CFHR1: variants seen among roughly 807,000 people sequenced by gnomAD.
The protein encoded by CFHR1 is complement factor H-related protein 1.
CFHR1 carries 22 observed loss-of-function variants against 30.4 expected under a neutral mutation model. That is an observed-to-expected ratio of 0.72 (90% CI 0.52 to 1.03). CFHR1 has a LOEUF of 1.03. Among genes scored for constraint, CFHR1 ranks in the 50% least tolerant of loss-of-function variants. The pLI, the probability that CFHR1 is intolerant of heterozygous loss-of-function variation, is 0.00. For missense variants in CFHR1, 248 were observed against 380.6 expected, an observed-to-expected ratio of 0.65 and a Z score of 2.90; for synonymous variants, 95 against 129.1, an observed-to-expected ratio of 0.74 and a Z score of 1.79.
chr1:196,829,564 A>G (rs1349336149), intron 4 of CFHR1, among the ~76,000 whole-genome samples: 1 of 133,904 alleles, frequency 7.5e-6, no homozygotes. Context: ...TTACCCCTTT[A>G]CTTGTAAAAG....
chr1:196,830,832 A>C (rs1481922760), intron 5 of CFHR1, 150 bp downstream of exon 5: 1 of 1,150,540 alleles, frequency 8.7e-7, no homozygotes. Context: ...AAAGTTTAGA[A>C]ATTTTCTCTT....
chr1:196,825,710 G>A lies in CFHR1; in HGVS notation c.253+39G>A, dbSNP rs750957640. ...CTGTTCATTAAATGGATGTCATTCA[G>A]TGAATAGAGAAGGATATGCCAGACA... On this transcript the variant is annotated intron_variant, in intron 2 of 5. Transcript: ENST00000320493. 6.8e-6 allele frequency: 10 copies of A among 1,465,420 alleles called. 3 individuals carry two copies. In the South Asian group the frequency reaches 7.7e-5, roughly 11 times the overall value. 90.8% of individuals were successfully genotyped at this position (1,465,420 alleles called of 1,614,324 possible).
At position 196,830,615 on chromosome 1, in the gene CFHR1, T is replaced by C. The variant is rs1341138957; in HGVS notation, c.723T>C (p.Tyr241=). 6.6e-7 allele frequency: 1 copy of C among 1,524,360 alleles called. No individual in the cohort carries two copies. Among genetic ancestry groups the C allele is most frequent in the Non-Finnish European group, 8.9e-7 (1 of 1,128,902 alleles). The allele number at this position is 1,524,360 out of a possible 1,614,324, so 94.4% of individuals were successfully genotyped here. Residue 241 remains tyrosine, a synonymous_variant, in exon 5 of 6, where the codon TAT becomes TAC. Transcript: ENST00000320493. ...TTGAGTACCAATGCCAGAACTTGTA[T>C]CAACTTGAGGGTAACAAGCGAATAA... ...SSVEYQCQNL[Y]QLEGNKRITC... is the part of the protein sequence containing the mutation.
chr1:196,832,151 C>G lies in CFHR1; in HGVS notation c.*152C>G. ...TAATTATAAGCTGAGACCGGTGGCT[C>G]TCTTCTTAAAAGCACCATATTAAAA... On this transcript the variant is annotated 3_prime_UTR_variant, in exon 6 of 6. Transcript: ENST00000320493. The G allele has an allele frequency of 1.1e-5, 8 of 743,158 alleles. 2 individuals are homozygous for G. Among genetic ancestry groups the G allele is most frequent in the East Asian group, 8.2e-5 (3 of 36,438 alleles). 46.0% of individuals were successfully genotyped at this position (743,158 alleles called of 1,614,324 possible). A position where few individuals can be genotyped will look rare whatever the true frequency, so the allele number is the denominator to read the frequency against.
In CFHR1 at chr1:196,830,896, G is replaced by A. The variant is rs1655529393; in HGVS notation, c.790+214G>A. Reference sequence around the variant, plus strand: ...TAATCCCAGCACTTTGGGAGGCCGAGGCGGGCAGATCACGAGGTCAGGAGA... The same window carrying A: ...TAATCCCAGCACTTTGGGAGGCCGAAGCGGGCAGATCACGAGGTCAGGAGA... On this transcript the variant is annotated intron_variant, in intron 5 of 5. Coordinates refer to ENST00000320493, the MANE Select transcript of CFHR1 (RefSeq NM_002113.3). Among the ~76,000 whole-genome samples the A allele has an allele frequency of 2.2e-5, 3 of 134,814 alleles. 1 individual carries two copies. Among genetic ancestry groups the A allele is most frequent in the African/African-American group, 9.5e-5 (3 of 31,454 alleles). 88.4% of individuals were successfully genotyped at this position (134,814 alleles called of 152,430 possible). A position where few individuals can be genotyped will look rare whatever the true frequency, so the allele number is the denominator to read the frequency against.
chr1:196,823,801 C>T lies in CFHR1; in HGVS notation c.59-1676C>T, dbSNP rs750369727. On this transcript the variant is annotated intron_variant, in intron 1 of 5. Transcript: ENST00000320493. ...GATAAAGCATATCAAACCCATAGAA[C>T]GTACAACATCAAGAGTGAACCCCAA... 2.2e-5 allele frequency among the ~76,000 whole-genome samples: 3 copies of T among 134,590 alleles called. 1 individual carries two copies. The highest frequency in any genetic ancestry group is 6.4e-5 in the African/African-American group (2 of 31,388). The allele number at this position is 134,590 out of a possible 152,430, so 88.3% of individuals were successfully genotyped here.
Position 196,825,484 on chromosome 1 carries a change from T to G in CFHR1, c.66T>G (p.Phe22Leu), listed in dbSNP as rs200609129. The G allele has an allele frequency of 6.7e-7, 1 of 1,488,414 alleles. No individual in the cohort carries two copies. The highest frequency in any genetic ancestry group is 2.3e-5 in the East Asian group (1 of 44,430). The allele number at this position is 1,488,414 out of a possible 1,614,324, so 92.2% of individuals were successfully genotyped here. Residue 22 changes from phenylalanine (F) to leucine (L), a missense_variant, in exon 2 of 6, where the codon TTT becomes TTG. Phe to Leu is a conservative substitution (Grantham distance 22). Coordinates refer to ENST00000320493, the MANE Select transcript of CFHR1 (RefSeq NM_002113.3). ...RISSVGGEAT[F>L]CDFPKINHGI... is the part of the protein sequence containing the mutation. ...TTTATGTTATTTTCCCAGCAACATT[T>G]TGTGATTTTCCAAAAATAAACCATG...
At position 196,825,698 on chromosome 1, in the gene CFHR1, G is replaced by A. The variant is rs1655297039; in HGVS notation, c.253+27G>A. The A allele has an allele frequency of 6.7e-6, 10 of 1,490,480 alleles. 4 individuals carry two copies. The highest frequency in any genetic ancestry group is 1.8e-6 in the Non-Finnish European group (2 of 1,099,588). The allele number at this position is 1,490,480 out of a possible 1,614,324, so 92.3% of individuals were successfully genotyped here. ...TGAGTAAATGCTCTGTTCATTAAAT[G>A]GATGTCATTCAGTGAATAGAGAAGG... is the stretch of plus-strand genomic sequence containing the variant. On this transcript the variant is annotated intron_variant, in intron 2 of 5. Transcript: ENST00000320493.
chr1:196,824,002 G>C (rs554831004), intron 1 of CFHR1, among the ~76,000 whole-genome samples: 1 of 103,342 alleles, frequency 9.7e-6, no homozygotes, highest in South Asian at 3.5e-4. Context: ...ATATGTATGT[G>C]TACACAAAAA....
chr1:196,831,646 A>T, intron 5 of CFHR1, 151 bp from the exon 6 acceptor site: 2 of 1,090,962 alleles, frequency 1.8e-6, no homozygotes, highest in Non-Finnish European at 2.6e-6. Context: ...AAGTTTATTT[A>T]AATCAATATG....
rs1655536473 is a variant in CFHR1, at chr1:196,831,030, T to G, written c.790+348T>G. 4.5e-5 allele frequency among the ~76,000 whole-genome samples: 6 copies of G among 133,368 alleles called. 2 individuals are homozygous for G. The South Asian group carries it at 1.6e-3, about 35-fold the overall frequency. 87.5% of individuals were successfully genotyped at this position (133,368 alleles called of 152,430 possible). A position where few individuals can be genotyped will look rare whatever the true frequency, so the allele number is the denominator to read the frequency against. On this transcript the variant is annotated intron_variant, in intron 5 of 5. Coordinates refer to ENST00000320493, the MANE Select transcript of CFHR1 (RefSeq NM_002113.3). ...ACCTGTAGTCCCAGCTAGTCGGGAG[T>G]CTGAGGCAGGAAAATGGCGGGAACC...
At chr1:196,820,109 CA>C (rs1347090702) in intron 1 of CFHR1, among the ~76,000 whole-genome samples, 1 of 145,560 alleles carries the variant, frequency 6.9e-6, no homozygotes. Flanking sequence ...CTCTAAGTTG[CA>C]AAGGTAAATG....
intron 4 of CFHR1, among the ~76,000 whole-genome samples, chr1:196,828,660 A>C (rs1655430783): frequency 1.5e-5 from 2 of 133,234 alleles, no homozygotes; most frequent in Non-Finnish European, 3.1e-5. Flanking sequence ...AAGGTGTGTG[A>C]CTGACTGTAT....
intron 4 of CFHR1, among the ~76,000 whole-genome samples, chr1:196,830,100 T>C (rs531373823): frequency 7.4e-6 from 1 of 135,678 alleles, no homozygotes; most frequent in Non-Finnish European, 1.6e-5. Flanking sequence ...ACTTTTCCAT[T>C]TTATAATTCC....
At position 196,821,740 on chromosome 1, in the gene CFHR1, A is replaced by AGT. The variant is rs58358440; in HGVS notation, c.58+1865_58+1866dup. 5.6e-3 allele frequency among the ~76,000 whole-genome samples: 392 copies of AGT among 69,592 alleles called. 35 individuals are homozygous for AGT. The highest frequency in any genetic ancestry group is 0.028 in the African/African-American group (311 of 11,170). The allele number at this position is 69,592 out of a possible 152,430, so 45.7% of individuals were successfully genotyped here. A position where few individuals can be genotyped will look rare whatever the true frequency, so the allele number is the denominator to read the frequency against. ...GGCTATATATAGGTGACTGTGAGTG[A>AGT]GTGTGTGTGTGTGTGTGTGTGTGTG... On this transcript the variant is annotated intron_variant, in intron 1 of 5. Transcript: ENST00000320493.
rs1426414608 is a variant in CFHR1, at chr1:196,823,714, G to A, written c.59-1763G>A. Among the ~76,000 whole-genome samples, 5 of 135,192 alleles carry A rather than the reference G, an allele frequency of 3.7e-5. 2 individuals are homozygous for A. Among genetic ancestry groups the A allele is most frequent in the Non-Finnish European group, 7.8e-5 (5 of 64,314 alleles). The allele number at this position is 135,192 out of a possible 152,430, so 88.7% of individuals were successfully genotyped here. ...CAGTACTATATTGCAAAAATATCTT[G>A]ACATAAAAACAAAGAGCAGTATTAT... On this transcript the variant is annotated intron_variant, in intron 1 of 5. Coordinates refer to ENST00000320493, the MANE Select transcript of CFHR1 (RefSeq NM_002113.3).
At position 196,829,455 on chromosome 1, in the gene CFHR1, T is replaced by C. The variant is rs1482613603; in HGVS notation, c.608-1045T>C. On this transcript the variant is annotated intron_variant, in intron 4 of 5. Transcript: ENST00000320493. The stretch of plus-strand genomic sequence containing the variant: ...GAAGTCTCAAGCTCTTTCTTTTATC[T>C]GTTTTATTTTAATTTGAAGAATTCC... Among the ~76,000 whole-genome samples the C allele has an allele frequency of 2.2e-5, 3 of 135,660 alleles. 1 individual carries two copies. Among genetic ancestry groups the C allele is most frequent in the African/African-American group, 6.3e-5 (2 of 31,952 alleles). The allele number at this position is 135,660 out of a possible 152,430, so 89.0% of individuals were successfully genotyped here.
chr1:196,830,609 C>T lies in CFHR1; in HGVS notation c.717C>T (p.Asn239=), dbSNP rs1284860018. ...PASSVEYQCQ[N]LYQLEGNKRI... Reference sequence around the variant, plus strand: ...CATCAGTTGAGTACCAATGCCAGAACTTGTATCAACTTGAGGGTAACAAGC... The same window carrying T: ...CATCAGTTGAGTACCAATGCCAGAATTTGTATCAACTTGAGGGTAACAAGC... Residue 239 remains asparagine, a synonymous_variant, in exon 5 of 6, where the codon AAC becomes AAT. Coordinates refer to ENST00000320493, the MANE Select transcript of CFHR1 (RefSeq NM_002113.3). 1 of 1,524,010 alleles carries T rather than the reference C, an allele frequency of 6.6e-7. No individual in the cohort carries two copies. Among genetic ancestry groups the T allele is most frequent in the East Asian group, 2.2e-5 (1 of 44,600 alleles). The allele number at this position is 1,524,010 out of a possible 1,614,324, so 94.4% of individuals were successfully genotyped here.
rs1558214436 is a variant in CFHR1, at chr1:196,826,814, GT to G, written c.254-10del. 13 of 1,516,948 alleles carry G rather than the reference GT, an allele frequency of 8.6e-6. 2 individuals carry two copies. Among genetic ancestry groups the G allele is most frequent in the Non-Finnish European group, 1.2e-5 (13 of 1,123,222 alleles). The allele number at this position is 1,516,948 out of a possible 1,614,324, so 94.0% of individuals were successfully genotyped here. A position where few individuals can be genotyped will look rare whatever the true frequency, so the allele number is the denominator to read the frequency against. The stretch of plus-strand genomic sequence containing the variant: ...CTACTTCCATCTTGTACATTAATCC[GT>G]TTTTGGTCCTTAGGACTGTGTTTCT... On this transcript the variant is annotated splice_polypyrimidine_tract_variant and intron_variant, in intron 2 of 5. Transcript: ENST00000320493.
Sources: gnomAD v4.1 joint callset for allele counts (sites outside exome capture counted in the v4.1 genomes callset) on GRCh38, gnomAD v4.1.1 for gene constraint, MANE v1.5 for transcripts, NCBI Gene and HGNC (gene_info 2026-07-23, HGNC 2026-07-21) for gene names.